The following ADGRL3 variants were observed in gnomAD, a reference collection of about 807,000 sequenced individuals.
ADGRL3 encodes adhesion G protein-coupled receptor L3.
A neutral mutation model predicts 153.5 loss-of-function variants in ADGRL3; 62 were observed. The ratio of observed to expected loss-of-function variants is 0.40; its 90% CI spans 0.33 to 0.50. The LOEUF is 0.50. Ranked by LOEUF, ADGRL3 falls within the 20% of genes least tolerant of loss-of-function variation. ADGRL3 has a pLI of 0.47. For missense variants in ADGRL3, 1,641 were observed against 1,859.4 expected, an observed-to-expected ratio of 0.88 and a Z score of 2.16; for synonymous variants, 710 against 672.5, an observed-to-expected ratio of 1.06 and a Z score of -0.86.
chr4:61,690,733 T>C (rs1305003064), intron 6 of ADGRL3, among the ~76,000 whole-genome samples: 1 of 152,056 alleles, frequency 6.6e-6, no homozygotes, highest in African/African-American at 2.4e-5. Context: ...TTCTGATTGC[T>C]CAAGGACCAA....
chr4:61,857,027 T>C (rs1409443120), intron 9 of ADGRL3, among the ~76,000 whole-genome samples: 3 of 146,974 alleles, frequency 2.0e-5, no homozygotes, highest in South Asian at 2.2e-4. Flanking sequence ...CTTCCTCCCT[T>C]CCTTCCTTCC....
At chr4:61,258,593 T>C (rs928276136) in intron 1 of ADGRL3, among the ~76,000 whole-genome samples, 1 of 152,152 alleles carries the variant, frequency 6.6e-6, no homozygotes, top group Non-Finnish European at 1.5e-5. Flanking sequence ...CATACGAAGT[T>C]CTCAGTCAGT....
intron 9 of ADGRL3, among the ~76,000 whole-genome samples, chr4:61,876,108 T>A (rs1447366829): frequency 6.6e-6 from 1 of 152,022 alleles, no homozygotes; most frequent in Non-Finnish European, 1.5e-5. Flanking sequence ...AATAGTTTTT[T>A]TTTCCTTTTT....
At position 61,422,469 on chromosome 4, in the gene ADGRL3, C is replaced by A. The variant is rs531334596; in HGVS notation, c.-174+39280C>A. Reference sequence around the variant, plus strand: ...CACAAACATGCCATGTTTATGCATACACACAGATATGGAAAAGTAGAAGAG... The same window carrying A: ...CACAAACATGCCATGTTTATGCATAAACACAGATATGGAAAAGTAGAAGAG... On this transcript the variant is annotated intron_variant, in intron 2 of 26. Transcript: ENST00000683033. Among the ~76,000 whole-genome samples, 11 of 152,194 alleles carry A rather than the reference C, an allele frequency of 7.2e-5. No individual in the cohort carries two copies. In the East Asian group the frequency reaches 1.9e-3, roughly 27 times the overall value.
intron 8 of ADGRL3, among the ~76,000 whole-genome samples, chr4:61,756,132 G>A (rs1410962920): frequency 2.6e-5 from 4 of 152,194 alleles, no homozygotes; most frequent in Admixed American, 6.6e-5. Context: ...GAACTTTAAA[G>A]TAGTTTTTTC....
intron 9 of ADGRL3, among the ~76,000 whole-genome samples, chr4:61,850,576 G>C (rs6551662): frequency 0.72 from 109,100 of 152,036 alleles, 40,244 homozygotes; most frequent in Non-Finnish European, 0.83. Context: ...CAAGACAATG[G>C]AGGAAAATGG....
intron 5 of ADGRL3, among the ~76,000 whole-genome samples, chr4:61,617,672 C>T (rs1244808545): frequency 6.6e-6 from 1 of 152,216 alleles, no homozygotes; most frequent in Non-Finnish European, 1.5e-5. Context: ...ACAGCATCTG[C>T]TCCCAAATCA....
At chr4:61,315,702 T>A (rs952271462) in intron 1 of ADGRL3, among the ~76,000 whole-genome samples, 1 of 152,138 alleles carries the variant, frequency 6.6e-6, no homozygotes, top group African/African-American at 2.4e-5. Context: ...TAGCCATACT[T>A]GAATGGGCTG....
At chr4:61,208,982 T>C (rs1466264374) in intron 1 of ADGRL3, among the ~76,000 whole-genome samples, 1 of 152,136 alleles carries the variant, frequency 6.6e-6, no homozygotes, top group Admixed American at 6.5e-5. Flanking sequence ...TACTAGATAC[T>C]AAAGTTTAAT....
At chr4:61,375,664 C>A (rs2096594511) in intron 1 of ADGRL3, among the ~76,000 whole-genome samples, 1 of 151,976 alleles carries the variant, frequency 6.6e-6, no homozygotes, top group Non-Finnish European at 1.5e-5. Flanking sequence ...TAGTACAGAG[C>A]CTCTGTAAAC....
At chr4:61,979,186 C>T (rs1041795395) in intron 17 of ADGRL3, among the ~76,000 whole-genome samples, 17 of 152,070 alleles carry the variant, frequency 1.1e-4, no homozygotes, top group Non-Finnish European at 2.4e-4. Flanking sequence ...AAATAGTATT[C>T]CCTACTGGAG....
intron 19 of ADGRL3, among the ~76,000 whole-genome samples, chr4:61,990,078 TA>T (rs1188782899): frequency 6.6e-6 from 1 of 152,034 alleles, no homozygotes. Flanking sequence ...AGGTCCATGT[TA>T]AAACTTGTAT....
At chr4:61,248,971 G>A (rs958854495) in intron 1 of ADGRL3, among the ~76,000 whole-genome samples, 1 of 152,162 alleles carries the variant, frequency 6.6e-6, no homozygotes, top group Non-Finnish European at 1.5e-5. Flanking sequence ...TCAACTAACT[G>A]TAGCAATTTT....
intron 5 of ADGRL3, among the ~76,000 whole-genome samples, chr4:61,607,371 G>T (rs2099036370): frequency 6.6e-6 from 1 of 152,094 alleles, no homozygotes; most frequent in Admixed American, 6.5e-5. Context: ...GGCCAAGGTG[G>T]GCGGATTACG....
chr4:61,867,540 A>ATATATATATATATATATATATAT (rs201200813), intron 9 of ADGRL3, among the ~76,000 whole-genome samples: 497 of 131,602 alleles, frequency 3.8e-3, no homozygotes, highest in Non-Finnish European at 5.5e-3. Flanking sequence ...ATATATATAT[A>ATATATATATATATATATATATAT]ATTGTAGGAG....
At chr4:61,869,747 T>C (rs1158804887) in intron 9 of ADGRL3, among the ~76,000 whole-genome samples, 1 of 151,244 alleles carries the variant, frequency 6.6e-6, no homozygotes, top group East Asian at 2.0e-4. Flanking sequence ...GAGACCAGCC[T>C]GACCAACATG....
At chr4:61,562,840 A>G (rs530538880) in intron 4 of ADGRL3, among the ~76,000 whole-genome samples, 1 of 151,828 alleles carries the variant, frequency 6.6e-6, no homozygotes, top group East Asian at 1.9e-4. Context: ...GGCATTAAGA[A>G]TGGTAAATCC....
chr4:61,610,797 C>T (rs889446548), intron 5 of ADGRL3, among the ~76,000 whole-genome samples: 1 of 150,816 alleles, frequency 6.6e-6, no homozygotes, highest in African/African-American at 2.4e-5. Context: ...AAAAGGAAAT[C>T]TTTTTTTTTC....
At chr4:61,886,305 G>C (rs919431532) in intron 9 of ADGRL3, among the ~76,000 whole-genome samples, 1 of 152,154 alleles carries the variant, frequency 6.6e-6, no homozygotes, top group African/African-American at 2.4e-5. Flanking sequence ...TGCACAAGTA[G>C]CCAAAAGCTA....
Sources: allele counts gnomAD v4.1 joint callset (sites outside exome capture counted in the v4.1 genomes callset), GRCh38; gene constraint gnomAD v4.1.1; transcripts MANE v1.5; gene names NCBI Gene and HGNC (gene_info 2026-07-23, HGNC 2026-07-21).